The following ITPRIPL2 variants were observed in gnomAD, a reference collection of about 807,000 sequenced individuals.
The protein encoded by ITPRIPL2 is inositol 1,4,5-trisphosphate receptor-interacting protein-like 2.
A neutral mutation model predicts 31.7 loss-of-function variants in ITPRIPL2; 29 were observed. The observed-to-expected ratio is 0.91, with a 90% CI of 0.68 to 1.25. ITPRIPL2 has a LOEUF of 1.25. ITPRIPL2 is among the 50% of genes most tolerant of loss of function. ITPRIPL2 has a pLI of 0.00. For synonymous variants in ITPRIPL2, 344 were observed against 343.4 expected (o/e 1.00, Z -0.02); for missense variants, 696 against 739.1 (o/e 0.94, Z 0.68).
Position 19,115,337 on chromosome 16 carries a change from G to A in ITPRIPL2, c.876G>A (p.Leu292=). ...AACAGCCCCCCACCTTACACATCTTGCCCTGCCGCACTGACTACGGCTGCT... is the reference window on the plus strand; with the variant it reads ...AACAGCCCCCCACCTTACACATCTTACCCTGCCGCACTGACTACGGCTGCT... ...GLEQPPTLHI[L]PCRTDYGCCR... Residue 292 remains leucine, a synonymous_variant, in exon 1 of 1, where the codon TTG becomes TTA. Transcript: ENST00000381440. 6.2e-7 allele frequency: 1 copy of A among 1,613,308 alleles called. No homozygotes were observed. Among genetic ancestry groups the A allele is most frequent in the Non-Finnish European group, 8.5e-7 (1 of 1,179,960 alleles).
At position 19,114,755 on chromosome 16, in the gene ITPRIPL2, C is replaced by T. The variant is rs772403304; in HGVS notation, c.294C>T (p.Ser98=). The change falls in exon 1 of 1, where the codon AGC becomes AGT. Residue 98 remains serine, a synonymous_variant. Transcript: ENST00000381440. ...GACACTTCCGAGAGCCGGGCCTCAGCATCCTGCTGGAGAGTTACTACGAGC... is the reference window on the plus strand; with the variant it reads ...GACACTTCCGAGAGCCGGGCCTCAGTATCCTGCTGGAGAGTTACTACGAGC... ...SSRHFREPGL[S]ILLESYYEHE... is the part of the protein sequence containing the mutation. 9 of 1,612,568 alleles carry T rather than the reference C, an allele frequency of 5.6e-6. No homozygotes were observed. Among genetic ancestry groups the T allele is most frequent in the Non-Finnish European group, 7.6e-6 (9 of 1,179,882 alleles).
Position 19,115,189 on chromosome 16 carries a change from G to A in ITPRIPL2, c.728G>A (p.Arg243Gln). 6.2e-7 allele frequency: 1 copy of A among 1,607,340 alleles called. No homozygotes were observed. Residue 243 changes from arginine (R) to glutamine (Q), a missense_variant, in exon 1 of 1, where the codon CGG becomes CAG. Arg to Gln is a conservative substitution (Grantham distance 43). Coordinates refer to ENST00000381440, the MANE Select transcript of ITPRIPL2 (RefSeq NM_001034841.4). Reference protein sequence around the residue: ...ADAFCVDVRGRRHLSATLVLR... With the variant: ...ADAFCVDVRGQRHLSATLVLR... ...GCCTTCTGCGTGGATGTGCGCGGGC[G>A]GCGTCACCTCTCTGCTACTCTGGTG...
chr16:19,120,088 T>C lies in ITPRIPL2; in HGVS notation c.*4019T>C. 1 of 167,100 alleles carries C rather than the reference T, an allele frequency of 6.0e-6. No homozygotes were observed. The allele number at this position is 167,100 out of a possible 1,614,324, so 10.4% of individuals were successfully genotyped here. ...CAACTACCAAGAACACAGGTTTTTGTTTTTGTTTTTTGAGACAGGGTCTCA... is the reference window on the plus strand; with the variant it reads ...CAACTACCAAGAACACAGGTTTTTGCTTTTGTTTTTTGAGACAGGGTCTCA... On this transcript the variant is annotated 3_prime_UTR_variant, in exon 1 of 1. Transcript: ENST00000381440.
Position 19,115,128 on chromosome 16 carries a change from G to A in ITPRIPL2, c.667G>A (p.Gly223Ser), listed in dbSNP as rs1003851344. 1.2e-6 allele frequency: 2 copies of A among 1,602,290 alleles called. No homozygotes were observed. The highest frequency in any genetic ancestry group is 1.3e-5 in the African/African-American group (1 of 74,934). ...APPSPSGASG[G>S]HWLRDCKPFA... ...ACCCTCACCATCGGGGGCCTCGGGG[G>A]GCCACTGGCTTCGGGACTGCAAACC... The change falls in exon 1 of 1, where the codon GGC becomes AGC. Residue 223 changes from glycine to serine, a missense_variant. Gly to Ser is a moderately conservative substitution (Grantham distance 56). Transcript: ENST00000381440.
chr16:19,121,113 C>T lies in ITPRIPL2; in HGVS notation c.*5044C>T, dbSNP rs1389317528. On this transcript the variant is annotated 3_prime_UTR_variant, in exon 1 of 1. Transcript: ENST00000381440. ...TTTTTTATACCTACATAGCACATGA[C>T]TGGGGGGATAAAGCATGTATAAGTT... 6.0e-6 allele frequency: 1 copy of T among 165,878 alleles called. No individual in the cohort carries two copies. 10.3% of individuals were successfully genotyped at this position (165,878 alleles called of 1,614,324 possible). A position where few individuals can be genotyped will look rare whatever the true frequency, so the allele number is the denominator to read the frequency against.
rs927669712 is a variant in ITPRIPL2, at chr16:19,116,193, C to T, written c.*124C>T. The T allele has an allele frequency of 2.6e-5, 25 of 950,752 alleles. No individual in the cohort carries two copies. Among genetic ancestry groups the T allele is most frequent in the Non-Finnish European group, 3.5e-5 (22 of 633,674 alleles). 58.9% of individuals were successfully genotyped at this position (950,752 alleles called of 1,614,324 possible). On this transcript the variant is annotated 3_prime_UTR_variant, in exon 1 of 1. Coordinates refer to ENST00000381440, the MANE Select transcript of ITPRIPL2 (RefSeq NM_001034841.4). ...AAGGCATTGGAAAATTTGGTGGCTG[C>T]CACAAGCTTTAGTGGCTTAAATATC...
rs1192153801 is a variant in ITPRIPL2, at chr16:19,117,504, A to G, written c.*1435A>G. The G allele has an allele frequency of 6.0e-6, 1 of 166,974 alleles. No homozygotes were observed. The highest frequency in any genetic ancestry group is 1.9e-4 in the East Asian group (1 of 5,204). 10.3% of individuals were successfully genotyped at this position (166,974 alleles called of 1,614,324 possible). On this transcript the variant is annotated 3_prime_UTR_variant, in exon 1 of 1. Coordinates refer to ENST00000381440, the MANE Select transcript of ITPRIPL2 (RefSeq NM_001034841.4). Reference sequence around the variant, plus strand: ...CCTGGAATTCTTCCTTGTTCTCCCAAATTTATAACAGTCCTCAATTGCAGT... The same window carrying G: ...CCTGGAATTCTTCCTTGTTCTCCCAGATTTATAACAGTCCTCAATTGCAGT...
In ITPRIPL2 at chr16:19,115,273, A is replaced by C. The variant is rs1963423595; in HGVS notation, c.812A>C (p.Glu271Ala). The C allele has an allele frequency of 6.2e-7, 1 of 1,612,672 alleles. No individual in the cohort carries two copies. The highest frequency in any genetic ancestry group is 8.5e-7 in the Non-Finnish European group (1 of 1,180,014). Reference sequence around the variant, plus strand: ...TTGGCCACTGTGCGTTACAGCCTGGAGGGGCGCTGTCGGGTCACCTTGACC... The same window carrying C: ...TTGGCCACTGTGCGTTACAGCCTGGCGGGGCGCTGTCGGGTCACCTTGACC... ...RSLATVRYSL[E>A]GRCRVTLTPG... The change falls in exon 1 of 1, where the codon GAG (glutamate) becomes GCG (alanine). Residue 271 changes from glutamate (E) to alanine (A), a missense_variant. By Grantham distance (107) the Glu-to-Ala change is moderately radical (BLOSUM62 -1). Transcript: ENST00000381440.
In ITPRIPL2 at chr16:19,115,899, C is replaced by T. The variant is rs1043246860; in HGVS notation, c.1438C>T (p.Leu480Phe). The change falls in exon 1 of 1, where the codon CTC (leucine) becomes TTC (phenylalanine). Residue 480 changes from leucine (L) to phenylalanine (F), a missense_variant. Leu to Phe is a conservative substitution (Grantham distance 22). Coordinates refer to ENST00000381440, the MANE Select transcript of ITPRIPL2 (RefSeq NM_001034841.4). ...KALREAAPVD[L>F]LAAFDGHARE... ...ACTGAGGGAAGCCGCCCCAGTTGAC[C>T]TCCTGGCCGCTTTCGACGGGCACGC... 2 of 1,612,066 alleles carry T rather than the reference C, an allele frequency of 1.2e-6. No individual in the cohort carries two copies. Among genetic ancestry groups the T allele is most frequent in the Admixed American group, 1.7e-5 (1 of 60,002 alleles).
chr16:19,117,346 T>C lies in ITPRIPL2; in HGVS notation c.*1277T>C, dbSNP rs972780999. On this transcript the variant is annotated 3_prime_UTR_variant, in exon 1 of 1. Coordinates refer to ENST00000381440, the MANE Select transcript of ITPRIPL2 (RefSeq NM_001034841.4). Reference sequence around the variant, plus strand: ...GGCTCTGTGCTTGAAGATCAGTTACTCCCTGGTCGTGGGCAGAGGAGACAA... The same window carrying C: ...GGCTCTGTGCTTGAAGATCAGTTACCCCCTGGTCGTGGGCAGAGGAGACAA... The C allele has an allele frequency of 1.2e-5, 2 of 167,024 alleles. No homozygotes were observed. Among genetic ancestry groups the C allele is most frequent in the Non-Finnish European group, 2.9e-5 (2 of 68,114 alleles). The allele number at this position is 167,024 out of a possible 1,614,324, so 10.3% of individuals were successfully genotyped here. A position where few individuals can be genotyped will look rare whatever the true frequency, so the allele number is the denominator to read the frequency against.
Position 19,115,400 on chromosome 16 carries a change from C to A in ITPRIPL2, c.939C>A (p.Val313=). ...TGGCTGTGCGTCTCATCCCCGCTGT[C>A]CATCTGGGAGATGGGGTCTTCCTTG... ...LSMAVRLIPA[V]HLGDGVFLVA... Residue 313 remains valine, a synonymous_variant, in exon 1 of 1, where the codon GTC becomes GTA. Coordinates refer to ENST00000381440, the MANE Select transcript of ITPRIPL2 (RefSeq NM_001034841.4). The A allele has an allele frequency of 6.2e-7, 1 of 1,612,568 alleles. No homozygotes were observed. Among genetic ancestry groups the A allele is most frequent in the South Asian group, 1.1e-5 (1 of 91,088 alleles).
Position 19,115,221 on chromosome 16 carries a change from T to A in ITPRIPL2, c.760T>A (p.Trp254Arg), listed in dbSNP as rs772939152. Residue 254 changes from tryptophan (W) to arginine (R), a missense_variant, in exon 1 of 1, where the codon TGG (tryptophan) becomes AGG (arginine). Coordinates refer to ENST00000381440, the MANE Select transcript of ITPRIPL2 (RefSeq NM_001034841.4). Reference protein sequence around the residue: ...RHLSATLVLRWFQSHLQRSLA... With the variant: ...RHLSATLVLRRFQSHLQRSLA... Reference sequence around the variant, plus strand: ...CCTCTCTGCTACTCTGGTGCTGCGCTGGTTCCAGTCGCATCTGCAGCGCTC... The same window carrying A: ...CCTCTCTGCTACTCTGGTGCTGCGCAGGTTCCAGTCGCATCTGCAGCGCTC... The A allele has an allele frequency of 1.2e-6, 2 of 1,610,028 alleles. No individual in the cohort carries two copies. The highest frequency in any genetic ancestry group is 1.7e-6 in the Non-Finnish European group (2 of 1,180,016).
At position 19,115,873 on chromosome 16, in the gene ITPRIPL2, C is replaced by A; in HGVS notation, c.1412C>A (p.Ala471Glu). ...GCCGAGGTGGGTCCCCTGCCCAAGG[C>A]ACTGAGGGAAGCCGCCCCAGTTGAC... is the stretch of plus-strand genomic sequence containing the variant. Reference protein sequence around the residue: ...AAAEVGPLPKALREAAPVDLL... With the variant: ...AAAEVGPLPKELREAAPVDLL... Residue 471 changes from alanine to glutamate, a missense_variant, in exon 1 of 1, where the codon GCA (alanine) becomes GAA (glutamate). Coordinates refer to ENST00000381440, the MANE Select transcript of ITPRIPL2 (RefSeq NM_001034841.4). 4 of 1,611,886 alleles carry A rather than the reference C, an allele frequency of 2.5e-6. No individual in the cohort carries two copies. Among genetic ancestry groups the A allele is most frequent in the Non-Finnish European group, 3.4e-6 (4 of 1,179,626 alleles).
Position 19,114,736 on chromosome 16 carries a change from TC to T in ITPRIPL2, c.277del (p.Arg93GlufsTer31). On this transcript the variant is annotated frameshift_variant, in exon 1 of 1. Transcript: ENST00000381440. LOFTEE classifies it high-confidence loss of function. ...CACGCCGCCTTCTCCTCGAGACACT[TC>T]CGAGAGCCGGGCCTCAGCATCCTGC... The part of the protein sequence containing the change: ...EGHAAFSSRH[F>X]REPGLSILLE... 1 of 1,612,740 alleles carries T rather than the reference TC, an allele frequency of 6.2e-7. No individual in the cohort carries two copies. Among genetic ancestry groups the T allele is most frequent in the South Asian group, 1.1e-5 (1 of 91,070 alleles).
rs1014017644 is a variant in ITPRIPL2 at position 19,119,603 on chromosome 16, A to G, written c.*3534A>G. On this transcript the variant is annotated 3_prime_UTR_variant, in exon 1 of 1. Transcript: ENST00000381440. ...CCAGTTTGCGACCACTGCCTTACGT[A>G]GTTAACACCCTGAGTATGTATACAG... The G allele has an allele frequency of 6.0e-6, 1 of 167,110 alleles. No homozygotes were observed. The highest frequency in any genetic ancestry group is 1.5e-5 in the Non-Finnish European group (1 of 68,166). The allele number at this position is 167,110 out of a possible 1,614,324, so 10.4% of individuals were successfully genotyped here.
rs1963407907 is a variant in ITPRIPL2 at position 19,114,633 on chromosome 16, C to T, written c.172C>T (p.Leu58Phe). 1 of 1,599,120 alleles carries T rather than the reference C, an allele frequency of 6.3e-7. No individual in the cohort carries two copies. The highest frequency in any genetic ancestry group is 8.5e-7 in the Non-Finnish European group (1 of 1,173,556). ...FPLLKVAVLL[L>F]LSYVLLRCRH... ...GTTGCTTAAGGTGGCCGTCCTGCTCCTCCTCAGCTATGTCCTCCTGCGCTG... is the reference window on the plus strand; with the variant it reads ...GTTGCTTAAGGTGGCCGTCCTGCTCTTCCTCAGCTATGTCCTCCTGCGCTG... Residue 58 changes from leucine to phenylalanine, a missense_variant, in exon 1 of 1, where the codon CTC becomes TTC. Leu to Phe is a conservative substitution (Grantham distance 22). Transcript: ENST00000381440.
Position 19,120,437 on chromosome 16 carries a change from CTT to C in ITPRIPL2, c.*4382_*4383del, listed in dbSNP as rs57410837. 4.7e-4 allele frequency: 61 copies of C among 130,584 alleles called. No individual in the cohort carries two copies. The highest frequency in any genetic ancestry group is 8.2e-5 in the Non-Finnish European group (5 of 60,932). 8.1% of individuals were successfully genotyped at this position (130,584 alleles called of 1,614,324 possible). On this transcript the variant is annotated 3_prime_UTR_variant, in exon 1 of 1. Transcript: ENST00000381440. The stretch of plus-strand genomic sequence containing the variant: ...CTGAATGTTTCTATCATTTTCTTTT[CTT>C]TTTTTTTTTTTTTCGAGACAGAGTT...
chr16:19,114,987 G>A lies in ITPRIPL2; in HGVS notation c.526G>A (p.Val176Met), dbSNP rs1276585600. ...HKIRRPDSFD[V>M]LVPLRLPPLV... ...AATCCGCCGGCCCGACAGCTTCGAC[G>A]TGCTGGTGCCACTGCGCCTCCCGCC... is the stretch of plus-strand genomic sequence containing the variant. The change falls in exon 1 of 1, where the codon GTG (valine) becomes ATG (methionine). Residue 176 changes from valine to methionine, a missense_variant. Coordinates refer to ENST00000381440, the MANE Select transcript of ITPRIPL2 (RefSeq NM_001034841.4). 1.9e-6 allele frequency: 3 copies of A among 1,600,820 alleles called. No homozygotes were observed. The highest frequency in any genetic ancestry group is 2.5e-6 in the Non-Finnish European group (3 of 1,179,612).
Position 19,118,719 on chromosome 16 carries a change from C to A in ITPRIPL2, c.*2650C>A. On this transcript the variant is annotated 3_prime_UTR_variant, in exon 1 of 1. Transcript: ENST00000381440. ...AAAATATTACTGTTTTATTTAAATG[C>A]CATGCTGAGCAATTGTTCTCTGTAC... 2.9e-6 allele frequency: 1 copy of A among 348,412 alleles called. No homozygotes were observed. Among genetic ancestry groups the A allele is most frequent in the South Asian group, 1.6e-4 (1 of 6,416 alleles). The allele number at this position is 348,412 out of a possible 1,614,324, so 21.6% of individuals were successfully genotyped here. A position where few individuals can be genotyped will look rare whatever the true frequency, so the allele number is the denominator to read the frequency against.
Sources: gnomAD v4.1 joint callset for allele counts on GRCh38, gnomAD v4.1.1 for gene constraint, MANE v1.5 for transcripts, NCBI Gene and HGNC (gene_info 2026-07-23, HGNC 2026-07-21) for gene names.